The following OTOG variants were observed in gnomAD, a reference collection of about 807,000 sequenced individuals.
OTOG encodes otogelin.
In OTOG, 296 loss-of-function variants were observed where a neutral mutation model predicts 313.8. That is an observed-to-expected ratio of 0.94 (90% confidence interval 0.86 to 1.04). The LOEUF is 1.04. Ranked by LOEUF, OTOG falls within the 50% of genes least tolerant of loss-of-function variation. The pLI is 0.00. For synonymous variants in OTOG, 1,533 were observed against 1,554.9 expected, an observed-to-expected ratio of 0.99 and a Z score of 0.33; for missense variants, 3,948 against 3,840.1, an observed-to-expected ratio of 1.03 and a Z score of -0.74.
intron 24 of OTOG, 22 bp from the exon 25 acceptor site, chr11:17,591,428 G>C (rs1198886777): frequency 9.7e-6 from 15 of 1,550,486 alleles, no homozygotes; most frequent in Non-Finnish European, 1.3e-5. Flanking sequence ...CCTGTGATCT[G>C]GTCTGGGCAT....
chr11:17,642,165 C>G lies in OTOG; in HGVS notation c.8334C>G (p.His2778Gln). The G allele has an allele frequency of 1.3e-6, 2 of 1,550,152 alleles. No individual in the cohort carries two copies. Among genetic ancestry groups the G allele is most frequent in the African/African-American group, 1.4e-5 (1 of 73,188 alleles). The change falls in exon 53 of 56, where the codon CAC becomes CAG. Residue 2778 changes from histidine to glutamine, a missense_variant. Physicochemically the swap from His to Gln is conservative, Grantham distance 24 (BLOSUM62 0). Transcript: ENST00000399397. ...ASWIADCARHHCSSTPLGAVL... is the reference protein window; with the variant it reads ...ASWIADCARHQCSSTPLGAVL... The stretch of plus-strand genomic sequence containing the variant: ...GGATCGCAGACTGCGCCCGCCACCA[C>G]TGCAGCAGCACGCCCCTGGGTGCCG...
chr11:17,572,185 C>A lies in OTOG; in HGVS notation c.2061C>A (p.Cys687Ter). The A allele has an allele frequency of 6.5e-7, 1 of 1,550,284 alleles. No homozygotes were observed. Among genetic ancestry groups the A allele is most frequent in the Non-Finnish European group, 8.7e-7 (1 of 1,146,876 alleles). Residue 687 changes from cysteine (C) to a stop codon, truncating the protein, a stop_gained, in exon 18 of 56, where the codon TGC becomes TGA. Transcript: ENST00000399397. LOFTEE classifies it high-confidence loss of function. ...TCTCTGGCTCCCCTCTGGACCCCTGCGATGTGCACCTGCAAGCCGGTGAGT... is the reference window on the plus strand; with the variant it reads ...TCTCTGGCTCCCCTCTGGACCCCTGAGATGTGCACCTGCAAGCCGGTGAGT... ...PLVSGSPLDPCDVHLQAASYS... is the reference protein window; with the variant it reads ...PLVSGSPLDP
At chr11:17,585,035 A>T (rs1852760488) in intron 23 of OTOG, among the ~76,000 whole-genome samples, 3 of 152,200 alleles carry the variant, frequency 2.0e-5, no homozygotes, top group Admixed American at 2.0e-4. Context: ...TATCAGATTA[A>T]TGCTGGTCTT....
intron 32 of OTOG, among the ~76,000 whole-genome samples, chr11:17,603,089 G>T (rs1159686779): frequency 2.0e-5 from 3 of 152,180 alleles, no homozygotes; most frequent in Non-Finnish European, 4.4e-5. Flanking sequence ...TTTGTGGAGG[G>T]GAAGGGACGT....
chr11:17,599,645 G>T, intron 30 of OTOG, 26 bp from the exon 31 acceptor site: 1 of 1,550,546 alleles, frequency 6.4e-7, no homozygotes. Flanking sequence ...CTGGCTCTCA[G>T]GAAGTTCCTG....
intron 39 of OTOG, among the ~76,000 whole-genome samples, chr11:17,615,869 G>A (rs553477592): frequency 4.5e-4 from 69 of 152,154 alleles, no homozygotes; most frequent in African/African-American, 1.6e-3. Context: ...CGGAGGTTGC[G>A]GTGAGCTGAG....
chr11:17,611,395 C>G lies in OTOG; in HGVS notation c.6095C>G (p.Thr2032Ser). ...TTGGCGGAGGCTTTGGCAACTACCACTGAGGCCAATACATCCACCACCTGT... is the reference window on the plus strand; with the variant it reads ...TTGGCGGAGGCTTTGGCAACTACCAGTGAGGCCAATACATCCACCACCTGT... ...EGLAEALATT[T>S]EANTSTTCVP... The change falls in exon 36 of 56, where the codon ACT (threonine) becomes AGT (serine). Residue 2032 changes from threonine to serine, a missense_variant. Coordinates refer to ENST00000399397, the MANE Select transcript of OTOG (RefSeq NM_001292063.2). 3 of 1,537,046 alleles carry G rather than the reference C, an allele frequency of 2.0e-6. No individual in the cohort carries two copies. The South Asian group carries it at 3.6e-5, about 19-fold the overall frequency.
At chr11:17,609,545 C>T in intron 35 of OTOG, 110 bp from the exon 36 acceptor site, 1 of 1,022,672 alleles carries the variant, frequency 9.8e-7, no homozygotes. Flanking sequence ...CTGCCCTCAC[C>T]CCATCACCGA....
At chr11:17,575,106 G>A (rs2134030356) in intron 20 of OTOG, among the ~76,000 whole-genome samples, 194 bp downstream of exon 20, 1 of 152,314 alleles carries the variant, frequency 6.6e-6, no homozygotes, top group East Asian at 1.9e-4. Flanking sequence ...CTCAGCCTTG[G>A]CCTTTGGGCC....
chr11:17,621,443 C>T lies in OTOG; in HGVS notation c.6529-7690C>T, dbSNP rs566883958. 2.6e-5 allele frequency among the ~76,000 whole-genome samples: 4 copies of T among 152,286 alleles called. No individual in the cohort carries two copies. The South Asian group carries it at 8.3e-4, about 32-fold the overall frequency. Reference sequence around the variant, plus strand: ...TTTTTCTACTATTCTCAGCCCTGTGCTAGCTCTGTGGATTTTTCTGTCTGT... The same window carrying T: ...TTTTTCTACTATTCTCAGCCCTGTGTTAGCTCTGTGGATTTTTCTGTCTGT... On this transcript the variant is annotated intron_variant, in intron 39 of 55. Transcript: ENST00000399397.
rs1027755278 is a variant in OTOG, at chr11:17,639,467, T to C, written c.7935+4T>C. The C allele has an allele frequency of 3.2e-6, 5 of 1,550,568 alleles. No individual in the cohort carries two copies. In the African/African-American group the frequency reaches 6.8e-5, roughly 21 times the overall value. ...CCCGGTGCCCCGGTGCCATCTGGTATGGAGACGCTCCTCCCCCAACACTCC... is the reference window on the plus strand; with the variant it reads ...CCCGGTGCCCCGGTGCCATCTGGTACGGAGACGCTCCTCCCCCAACACTCC... On this transcript the variant is annotated splice_donor_region_variant and intron_variant, in intron 49 of 55. Transcript: ENST00000399397.
Position 17,634,141 on chromosome 11 carries a change from A to G in OTOG, c.7340A>G (p.Gln2447Arg). 2 of 1,549,672 alleles carry G rather than the reference A, an allele frequency of 1.3e-6. No individual in the cohort carries two copies. Among genetic ancestry groups the G allele is most frequent in the Non-Finnish European group, 1.7e-6 (2 of 1,146,916 alleles). The change falls in exon 44 of 56, where the codon CAG becomes CGG. Residue 2447 changes from glutamine to arginine, a missense_variant. By Grantham distance (43) the Gln-to-Arg change is conservative. Transcript: ENST00000399397. Reference sequence around the variant, plus strand: ...AACAGCTCCCTCAGCGGCTGCTGCCAGCACCAGTGCCAAGCCCCAGACACC... The same window carrying G: ...AACAGCTCCCTCAGCGGCTGCTGCCGGCACCAGTGCCAAGCCCCAGACACC... ...TWNSSLSGCCQHQCQAPDTIV... is the reference protein window; with the variant it reads ...TWNSSLSGCCRHQCQAPDTIV...
rs139756258 is a variant in OTOG at position 17,560,913 on chromosome 11, G to A, written c.1451+96G>A. On this transcript the variant is annotated intron_variant, in intron 13 of 55. Coordinates refer to ENST00000399397, the MANE Select transcript of OTOG (RefSeq NM_001292063.2). The stretch of plus-strand genomic sequence containing the variant: ...TGGGAGCACTAATGGCTGGCGTCGG[G>A]GCACTCACTCAGTACCTTTGAGTCC... The A allele has an allele frequency of 3.1e-4, 386 of 1,239,798 alleles. 1 individual carries two copies. In the African/African-American group the frequency reaches 4.5e-3, roughly 15 times the overall value. 76.8% of individuals were successfully genotyped at this position (1,239,798 alleles called of 1,614,324 possible). A position where few individuals can be genotyped will look rare whatever the true frequency, so the allele number is the denominator to read the frequency against.
At chr11:17,638,614 A>T in intron 48 of OTOG, 65 bp downstream of exon 48, 1 of 1,514,670 alleles carries the variant, frequency 6.6e-7, no homozygotes, top group Non-Finnish European at 9.0e-7. Context: ...GGAGGGATTG[A>T]GGGAGCCCGG....
Position 17,596,076 on chromosome 11 carries a change from G to A in OTOG, c.3447G>A (p.Leu1149=), listed in dbSNP as rs1193172201. The A allele has an allele frequency of 1.3e-6, 2 of 1,550,852 alleles. No homozygotes were observed. Among genetic ancestry groups the A allele is most frequent in the Non-Finnish European group, 1.7e-6 (2 of 1,147,044 alleles). ...DTLDPRDMCV[L]NPLREPFAKK... ...TCGATCCTCGGGATATGTGTGTCCT[G>A]AATCCTCTCCGAGAACCATTTGCCA... The change falls in exon 29 of 56, where the codon CTG becomes CTA. Residue 1149 remains leucine, a synonymous_variant. Transcript: ENST00000399397.
rs773351407 is a variant in OTOG at position 17,591,598 on chromosome 11, C to T, written c.3006+10C>T. 30 of 1,550,244 alleles carry T rather than the reference C, an allele frequency of 1.9e-5. No homozygotes were observed. The African/African-American group carries it at 2.6e-4, about 13-fold the overall frequency. ...AGTGCACCTGGTCAAGGTGAGTTCCCGGATGTTTCTGCCCAGTTGGCTCCA... is the reference window on the plus strand; with the variant it reads ...AGTGCACCTGGTCAAGGTGAGTTCCTGGATGTTTCTGCCCAGTTGGCTCCA... On this transcript the variant is annotated intron_variant, in intron 25 of 55. Coordinates refer to ENST00000399397, the MANE Select transcript of OTOG (RefSeq NM_001292063.2).
intron 15 of OTOG, among the ~76,000 whole-genome samples, chr11:17,563,269 C>G (rs1852228384): frequency 6.6e-6 from 1 of 152,240 alleles, no homozygotes; most frequent in Non-Finnish European, 1.5e-5. Context: ...CTTCCTTGTG[C>G]ATCAGAGCAG....
intron 15 of OTOG, among the ~76,000 whole-genome samples, chr11:17,563,270 A>G (rs1590001784): frequency 1.3e-5 from 2 of 152,206 alleles, no homozygotes; most frequent in South Asian, 4.1e-4. Context: ...TTCCTTGTGC[A>G]TCAGAGCAGG....
rs775563146 is a variant in OTOG, at chr11:17,634,269, G to C, written c.7468G>C (p.Gly2490Arg). 8.8e-5 allele frequency: 136 copies of C among 1,550,280 alleles called. No homozygotes were observed. Among genetic ancestry groups the C allele is most frequent in the Admixed American group, 2.7e-4 (14 of 50,984 alleles). The change falls in exon 44 of 56, where the codon GGG becomes CGG. Residue 2490 changes from glycine (G) to arginine (R), a missense_variant. By Grantham distance (125) the Gly-to-Arg change is moderately radical. Transcript: ENST00000399397. ...ACCCACCAAGGACCCCTGCTGCCTG[G>C]GGACTGTCTGTGGTGAGTGTCCACC... ...LLPTKDPCCL[G>R]TVCVCNQTLC...
Sources: allele counts gnomAD v4.1 joint callset (sites outside exome capture counted in the v4.1 genomes callset), GRCh38; gene constraint gnomAD v4.1.1; transcripts MANE v1.5; gene names NCBI Gene and HGNC (gene_info 2026-07-23, HGNC 2026-07-21).